The following ANKRD55 variants were observed in gnomAD, a reference collection of about 807,000 sequenced individuals.
ANKRD55 encodes the protein ankyrin repeat domain-containing protein 55.
Under a neutral mutation model 60.6 loss-of-function variants are expected in ANKRD55, and 41 were observed. That is an observed-to-expected ratio of 0.68 (90% CI 0.53 to 0.88). The LOEUF is 0.88. Among genes scored for constraint, ANKRD55 ranks in the 40% least tolerant of loss-of-function variants. The probability of loss-of-function intolerance (pLI) is 0.00; values close to 1 mark genes in which losing one functional copy is unlikely to be tolerated. For synonymous variants in ANKRD55, 264 were observed against 290.3 expected, an observed-to-expected ratio of 0.91 and a Z score of 0.92; for missense variants, 732 against 767.6, an observed-to-expected ratio of 0.95 and a Z score of 0.55.
At chr5:56,126,840 C>T in intron 8 of ANKRD55, 82 bp downstream of exon 8, 2 of 1,464,400 alleles carry the variant, frequency 1.4e-6, no homozygotes, top group South Asian at 1.4e-5. Context: ...TATAGGACAC[C>T]TCCTTAAACA....
rs377144162 is a variant in ANKRD55, at chr5:56,118,780, G to A, written c.798-1998C>T. On this transcript the variant is annotated intron_variant, in intron 8 of 11. Coordinates refer to ENST00000341048, the MANE Select transcript of ANKRD55 (RefSeq NM_024669.3). Reference sequence around the variant, plus strand: ...TATGGATGGTAAATAAGCACATGAAGAGGTACTCAATAACATCTGTCATTA... The same window carrying A: ...TATGGATGGTAAATAAGCACATGAAAAGGTACTCAATAACATCTGTCATTA... 5.4e-4 allele frequency among the ~76,000 whole-genome samples: 82 copies of A among 152,230 alleles called. 1 individual carries two copies. The highest frequency in any genetic ancestry group is 1.9e-3 in the African/African-American group (79 of 41,556).
At chr5:56,112,557 C>T (rs1453130121) in intron 9 of ANKRD55, among the ~76,000 whole-genome samples, 2 of 139,598 alleles carry the variant, frequency 1.4e-5, no homozygotes, top group East Asian at 2.0e-4. Flanking sequence ...TGGGCTCCAG[C>T]GAGGGAAGAG....
intron 3 of ANKRD55, among the ~76,000 whole-genome samples, chr5:56,177,672 G>GCTACTCCT: frequency 6.6e-6 from 1 of 152,170 alleles, no homozygotes; most frequent in East Asian, 1.9e-4. Context: ...CTACTCAGGA[G>GCTACTCCT]GCTGAGGCAG....
At chr5:56,171,947 ATC>A (rs1758617764) in intron 4 of ANKRD55, among the ~76,000 whole-genome samples, 1 of 151,934 alleles carries the variant, frequency 6.6e-6, no homozygotes, top group South Asian at 2.1e-4. Flanking sequence ...TTGAAACCCC[ATC>A]TCTACCAAAA....
Position 56,134,343 on chromosome 5 carries a change from C to T in ANKRD55, c.613-7237G>A, listed in dbSNP as rs181767843. Among the ~76,000 whole-genome samples the T allele has an allele frequency of 1.7e-4, 19 of 114,356 alleles. 3 individuals are homozygous for T. Among genetic ancestry groups the T allele is most frequent in the African/African-American group, 4.5e-4 (16 of 35,318 alleles). The allele number at this position is 114,356 out of a possible 152,430, so 75.0% of individuals were successfully genotyped here. On this transcript the variant is annotated intron_variant, in intron 7 of 11. Coordinates refer to ENST00000341048, the MANE Select transcript of ANKRD55 (RefSeq NM_024669.3). ...CTGTTATCCCAGCACTTTGGGAGGC[C>T]GAGACAGGTGGATCACCTGAGGTCA...
chr5:56,173,749 G>T (rs1758675438), intron 4 of ANKRD55, among the ~76,000 whole-genome samples: 1 of 151,084 alleles, frequency 6.6e-6, no homozygotes. Flanking sequence ...TCTCCATGTT[G>T]GTCAGGCTGG....
intron 6 of ANKRD55, among the ~76,000 whole-genome samples, chr5:56,145,386 A>G (rs1757872742): frequency 6.6e-6 from 1 of 152,206 alleles, no homozygotes; most frequent in Admixed American, 6.5e-5. Flanking sequence ...GGTCCTCCAC[A>G]TCTTCTTTTT....
chr5:56,183,328 C>G (rs6886809), intron 3 of ANKRD55, among the ~76,000 whole-genome samples, 184 bp downstream of exon 3: 4,782 of 152,212 alleles, frequency 0.031, 271 homozygotes, highest in African/African-American at 0.11. Context: ...GTCATTCATA[C>G]AAAGATATTG....
intron 5 of ANKRD55, among the ~76,000 whole-genome samples, chr5:56,166,103 T>TTTCTTTCTTTCTTTCTTTCTTTC (rs1561277632): frequency 5.1e-4 from 26 of 50,814 alleles, no homozygotes; most frequent in African/African-American, 7.5e-4. Flanking sequence ...TCTTTCTTTC[T>TTTCTTTCTTTCTTTCTTTCTTTC]TTCTTTCTTT....
At chr5:56,193,202 A>C (rs549665569) in intron 2 of ANKRD55, 2 of 854,756 alleles carry the variant, frequency 2.3e-6, no homozygotes, top group South Asian at 3.2e-5. Context: ...AAGCAAAGAA[A>C]GCCTTGAAAA....
chr5:56,181,996 C>T (rs1365325355), intron 3 of ANKRD55, among the ~76,000 whole-genome samples: 3 of 151,888 alleles, frequency 2.0e-5, no homozygotes, highest in African/African-American at 7.3e-5. Flanking sequence ...TTTTTTTTTA[C>T]ATCGTCTTTG....
chr5:56,168,059 T>C (rs1034817777), intron 5 of ANKRD55, among the ~76,000 whole-genome samples: 1 of 152,146 alleles, frequency 6.6e-6, no homozygotes, highest in African/African-American at 2.4e-5. Flanking sequence ...ATTGGAGGCA[T>C]TGTTGGGAGG....
At chr5:56,216,474 C>G (rs1316506797) in intron 2 of ANKRD55, among the ~76,000 whole-genome samples, 1 of 152,158 alleles carries the variant, frequency 6.6e-6, no homozygotes, top group Non-Finnish European at 1.5e-5. Flanking sequence ...TGATTAAGCT[C>G]AATGAGGAAG....
chr5:56,194,798 G>C (rs1208324515), intron 2 of ANKRD55, among the ~76,000 whole-genome samples: 1 of 152,172 alleles, frequency 6.6e-6, no homozygotes, highest in Admixed American at 6.5e-5. Flanking sequence ...ATTTGAGGAT[G>C]CTTTTCTTGT....
At chr5:56,153,289 C>CAACAAT (rs1262346406) in intron 6 of ANKRD55, among the ~76,000 whole-genome samples, 1 of 150,810 alleles carries the variant, frequency 6.6e-6, no homozygotes, top group African/African-American at 2.4e-5. Flanking sequence ...ACAACAACAA[C>CAACAAT]GACACGCAGC....
intron 5 of ANKRD55, among the ~76,000 whole-genome samples, chr5:56,167,579 G>T (rs1189336770): frequency 6.6e-6 from 1 of 152,210 alleles, no homozygotes; most frequent in Non-Finnish European, 1.5e-5. Flanking sequence ...GGGATTATTA[G>T]TTAAAGCAGC....
chr5:56,112,504 C>CAAAAAAAAAAAACAA (rs1756744844), intron 9 of ANKRD55, among the ~76,000 whole-genome samples: 1 of 25,696 alleles, frequency 3.9e-5, no homozygotes, highest in Non-Finnish European at 7.1e-5. Context: ...TCATCTCTAG[C>CAAAAAAAAAAAACAA]AAAAAAAAAA....
intron 6 of ANKRD55, among the ~76,000 whole-genome samples, chr5:56,155,454 A>G (rs557267429): frequency 4.6e-5 from 7 of 152,270 alleles, no homozygotes; most frequent in African/African-American, 1.7e-4. Flanking sequence ...AAAGCAGAGG[A>G]AATTTCATTA....
chr5:56,192,925 T>C, intron 2 of ANKRD55: 1 of 631,904 alleles, frequency 1.6e-6, no homozygotes, highest in Admixed American at 2.6e-5. Flanking sequence ...CAGAAGAAAA[T>C]AAAGACTTCC....
Sources: allele counts gnomAD v4.1 joint callset (sites outside exome capture counted in the v4.1 genomes callset), GRCh38; gene constraint gnomAD v4.1.1; transcripts MANE v1.5; gene names NCBI Gene and HGNC (gene_info 2026-07-23, HGNC 2026-07-21).